Variants in PIK3R3 observed in about 807,000 individuals in gnomAD.
PIK3R3 encodes phosphatidylinositol 3-kinase regulatory subunit gamma.
A neutral mutation model predicts 62.9 loss-of-function variants in PIK3R3; 64 were observed. The observed-to-expected ratio is 1.02, with a 90% CI of 0.83 to 1.25. The LOEUF (loss-of-function observed/expected upper bound fraction) is 1.25, where lower values mean the gene tolerates loss of function less well. Among genes scored for constraint, PIK3R3 ranks in the 50% most tolerant of loss-of-function variants. PIK3R3 has a pLI of 0.00. For synonymous variants in PIK3R3, 165 were observed against 189.0 expected, an observed-to-expected ratio of 0.87 and a Z score of 1.04; for missense variants, 614 against 561.6, an observed-to-expected ratio of 1.09 and a Z score of -0.94.
the PIK3R3 span, among the ~76,000 whole-genome samples, chr1:46,141,624 G>A: frequency 2.0e-5 from 3 of 152,296 alleles, no homozygotes; most frequent in South Asian, 2.1e-4. Context: ...TAGAATAAAG[G>A]ATCATCTTTC....
the PIK3R3 span, among the ~76,000 whole-genome samples, chr1:46,144,633 T>G: frequency 6.6e-6 from 1 of 151,996 alleles, no homozygotes; most frequent in African/African-American, 2.4e-5. Flanking sequence ...CTGGGCATGG[T>G]GGCACGCACC....
At chr1:46,165,466 T>G in the PIK3R3 span, among the ~76,000 whole-genome samples, 2 of 151,526 alleles carry the variant, frequency 1.3e-5, no homozygotes, top group Non-Finnish European at 2.9e-5. Context: ...CCACCATGCC[T>G]GGCTAATTTT....
At chr1:46,146,009 G>A in the PIK3R3 span, among the ~76,000 whole-genome samples, 1 of 152,350 alleles carries the variant, frequency 6.6e-6, no homozygotes, top group Admixed American at 6.5e-5. Flanking sequence ...TATGAAGAGA[G>A]GTAGGCTCAG....
intron 1 of PIK3R3, among the ~76,000 whole-genome samples, chr1:46,123,177 T>C (rs1654825446): frequency 6.6e-6 from 1 of 152,202 alleles, no homozygotes; most frequent in Non-Finnish European, 1.5e-5. Flanking sequence ...ATTATCATAA[T>C]ATAACACATG....
intron 1 of PIK3R3, among the ~76,000 whole-genome samples, chr1:46,100,688 T>C (rs932813115): frequency 6.6e-6 from 1 of 152,198 alleles, no homozygotes; most frequent in Non-Finnish European, 1.5e-5. Context: ...ATAAATTAAT[T>C]TGGAAAGAAC....
chr1:46,132,066 G>C lies in PIK3R3; in HGVS notation c.-114C>G. The C allele has an allele frequency of 6.8e-7, 1 of 1,474,532 alleles. No homozygotes were observed. Among genetic ancestry groups the C allele is most frequent in the Non-Finnish European group, 9.0e-7 (1 of 1,114,288 alleles). The allele number at this position is 1,474,532 out of a possible 1,614,324, so 91.3% of individuals were successfully genotyped here. A position where few individuals can be genotyped will look rare whatever the true frequency, so the allele number is the denominator to read the frequency against. On this transcript the variant is annotated 5_prime_UTR_variant, in exon 1 of 10. Coordinates refer to ENST00000262741, the MANE Select transcript of PIK3R3 (RefSeq NM_003629.4). The stretch of plus-strand genomic sequence containing the variant: ...AAAGTTCCACACGGAAATGTACTTC[G>C]GGTTTTCCAACGGCCAGTACCAGTC...
At chr1:46,135,202 C>T (rs536077089), upstream of PIK3R3, among the ~76,000 whole-genome samples, 1 of 152,286 alleles carries the variant, frequency 6.6e-6, no homozygotes, top group African/African-American at 2.4e-5. Context: ...AAAATGTTAG[C>T]TCGGGTGTCC....
intron 1 of PIK3R3, among the ~76,000 whole-genome samples, chr1:46,106,826 AG>A (rs1653252668): frequency 6.6e-6 from 1 of 152,026 alleles, no homozygotes; most frequent in African/African-American, 2.4e-5. Flanking sequence ...CCCAGGATGG[AG>A]TGCAATGGCG....
chr1:46,125,995 C>T (rs1458331720), intron 1 of PIK3R3, among the ~76,000 whole-genome samples: 3 of 152,026 alleles, frequency 2.0e-5, no homozygotes, highest in South Asian at 2.1e-4. Flanking sequence ...CTCCTGACCT[C>T]GTAATCCGCC....
the PIK3R3 span, among the ~76,000 whole-genome samples, chr1:46,174,387 C>T: frequency 6.6e-6 from 1 of 152,074 alleles, no homozygotes; most frequent in African/African-American, 2.4e-5. Flanking sequence ...CTGCCTCAAC[C>T]CCCCTCAGGG....
chr1:46,117,082 C>T (rs1340221374), intron 1 of PIK3R3, among the ~76,000 whole-genome samples: 1 of 152,222 alleles, frequency 6.6e-6, no homozygotes, highest in Non-Finnish European at 1.5e-5. Context: ...TTCTCCCCTT[C>T]ACAGCCCACC....
chr1:46,078,985 T>C (rs1184887255), intron 2 of PIK3R3, among the ~76,000 whole-genome samples: 2 of 151,904 alleles, frequency 1.3e-5, no homozygotes, highest in East Asian at 3.8e-4. Context: ...GAATGGGGGG[T>C]TATTGTTTAA....
At chr1:46,059,314 A>G (rs1648243120) in intron 6 of PIK3R3, among the ~76,000 whole-genome samples, 1 of 152,222 alleles carries the variant, frequency 6.6e-6, no homozygotes, top group Non-Finnish European at 1.5e-5. Flanking sequence ...ATGGGTACCT[A>G]CAACAGTACT....
At chr1:46,128,330 G>A (rs1292206199) in intron 1 of PIK3R3, among the ~76,000 whole-genome samples, 1 of 152,098 alleles carries the variant, frequency 6.6e-6, no homozygotes, top group Non-Finnish European at 1.5e-5. Flanking sequence ...CCAGCTACTC[G>A]GGAGGCTCAG....
intron 1 of PIK3R3, among the ~76,000 whole-genome samples, chr1:46,110,423 G>A (rs785488): frequency 0.46 from 69,508 of 151,626 alleles, 16,074 homozygotes; most frequent in East Asian, 0.62. Flanking sequence ...GGCTCAGCCT[G>A]AGCCACCACG....
Position 46,080,701 on chromosome 1 carries a change from T to C in PIK3R3, c.156A>G (p.Gly52=). 6.2e-7 allele frequency: 1 copy of C among 1,614,048 alleles called. No homozygotes were observed. Among genetic ancestry groups the C allele is most frequent in the Non-Finnish European group, 8.5e-7 (1 of 1,179,904 alleles). The change falls in exon 2 of 10, where the codon GGA becomes GGG. Residue 52 remains glycine (G), a synonymous_variant. Transcript: ENST00000262741. ...GAAGAGAAACAGAACTGTCCTTCAT[T>C]CCATTTGGAACTGCTGAAGTCATTG... The part of the protein sequence containing the change: ...PKPMTSAVPN[G]MKDSSVSLQD...
At chr1:46,126,387 A>C (rs996439404) in intron 1 of PIK3R3, among the ~76,000 whole-genome samples, 3 of 151,250 alleles carry the variant, frequency 2.0e-5, no homozygotes, top group Non-Finnish European at 4.4e-5. Flanking sequence ...AAAATACAAA[A>C]ATTAGCCAGG....
chr1:46,148,334 G>C, the PIK3R3 span, among the ~76,000 whole-genome samples: 13 of 152,208 alleles, frequency 8.5e-5, no homozygotes, highest in African/African-American at 2.9e-4. Flanking sequence ...CTCAAACAAT[G>C]TTAGCAAGAA....
chr1:46,136,070 CTTTTT>C (rs571080588), upstream of PIK3R3, among the ~76,000 whole-genome samples: 1 of 124,236 alleles, frequency 8.0e-6, no homozygotes. Flanking sequence ...TGGAAATATA[CTTTTT>C]TTTTTTTTTT....
Sources: gnomAD v4.1 joint callset for allele counts (sites outside exome capture counted in the v4.1 genomes callset) on GRCh38, gnomAD v4.1.1 for gene constraint, MANE v1.5 for transcripts, NCBI Gene and HGNC (gene_info 2026-07-23, HGNC 2026-07-21) for gene names.